Variants in THSD7B observed in about 807,000 individuals in gnomAD.
The protein encoded by THSD7B is thrombospondin type 1 domain containing 7B, also known as thrombospondin type-1 domain-containing protein 7B.
In THSD7B, 138 loss-of-function variants were observed where a neutral mutation model predicts 213.6. That is an observed-to-expected ratio of 0.65 (90% CI 0.56 to 0.74). THSD7B has a LOEUF of 0.74. Ranked by LOEUF, THSD7B falls within the 30% of genes least tolerant of loss-of-function variation. The pLI, the probability that THSD7B is intolerant of heterozygous loss-of-function variation, is 0.00. For missense variants in THSD7B, 1,931 were observed against 1,991.5 expected (o/e 0.97, Z 0.58); for synonymous variants, 742 against 687.0 (o/e 1.08, Z -1.25).
At chr2:137,102,118 G>A (rs1246448585) in intron 4 of THSD7B, among the ~76,000 whole-genome samples, 2 of 152,214 alleles carry the variant, frequency 1.3e-5, no homozygotes, top group African/African-American at 2.4e-5. Context: ...TGCAGGAGTT[G>A]ACAGACACTT....
intron 5 of THSD7B, among the ~76,000 whole-genome samples, chr2:137,127,199 T>A (rs971723304): frequency 7.9e-5 from 12 of 152,154 alleles, no homozygotes; most frequent in Non-Finnish European, 2.9e-5. Flanking sequence ...GACCTTCAAT[T>A]TGTAAAAAAT....
chr2:137,251,005 T>C (rs547561338), intron 10 of THSD7B, among the ~76,000 whole-genome samples: 2 of 152,348 alleles, frequency 1.3e-5, no homozygotes, highest in South Asian at 2.1e-4. Context: ...TGTGTTCCTC[T>C]GAAGGATTGT....
intron 7 of THSD7B, among the ~76,000 whole-genome samples, chr2:137,203,142 G>A (rs1680913254): frequency 6.6e-6 from 1 of 151,998 alleles, no homozygotes. Context: ...GAAATCTGAT[G>A]TAAAATTTTT....
At chr2:137,220,499 C>T (rs1681344719) in intron 7 of THSD7B, among the ~76,000 whole-genome samples, 1 of 152,082 alleles carries the variant, frequency 6.6e-6, no homozygotes, top group Non-Finnish European at 1.5e-5. Context: ...ATAAGAATGA[C>T]AACAATTCAA....
At chr2:137,069,908 T>C (rs539770175) in intron 3 of THSD7B, among the ~76,000 whole-genome samples, 2 of 151,010 alleles carry the variant, frequency 1.3e-5, no homozygotes, top group South Asian at 4.2e-4. Flanking sequence ...TATATAACTA[T>C]ATATCTGTGG....
rs1686175003 is a variant in THSD7B at position 137,009,069 on chromosome 2, T to C, written c.140-47351T>C. 3.9e-5 allele frequency among the ~76,000 whole-genome samples: 6 copies of C among 152,318 alleles called. No individual in the cohort carries two copies. The South Asian group carries it at 1.2e-3, about 32-fold the overall frequency. ...TAAATTCACTAACTCTTTGAGGCTA[T>C]GTGATCTCTGGCAGCAATGCTTAAA... On this transcript the variant is annotated intron_variant, in intron 2 of 27. Coordinates refer to ENST00000409968, the MANE Select transcript of THSD7B (RefSeq NM_001316349.2).
At chr2:137,183,037 A>C (rs748341679) in intron 7 of THSD7B, among the ~76,000 whole-genome samples, 2 of 152,164 alleles carry the variant, frequency 1.3e-5, no homozygotes, top group Non-Finnish European at 2.9e-5. Context: ...TTACTTAAAT[A>C]CTTTATAGAA....
chr2:137,006,427 CATACATACATACATACATAT>C (rs1686113670), intron 2 of THSD7B, among the ~76,000 whole-genome samples: 2 of 151,948 alleles, frequency 1.3e-5, no homozygotes, highest in African/African-American at 4.8e-5. Flanking sequence ...TACATACATA[CATACATACATACATACATAT>C]AGGTTGTATA....
At chr2:136,868,100 C>CCA (rs529874307) in intron 1 of THSD7B, among the ~76,000 whole-genome samples, 7 of 147,262 alleles carry the variant, frequency 4.8e-5, no homozygotes, top group African/African-American at 1.3e-4. Context: ...ACACACCACA[C>CCA]CACACACACA....
intron 12 of THSD7B, among the ~76,000 whole-genome samples, chr2:137,321,784 A>T (rs1448273475): frequency 6.6e-6 from 1 of 152,228 alleles, no homozygotes; most frequent in East Asian, 1.9e-4. Context: ...ATACAAATAT[A>T]CCAACCATAT....
At chr2:137,285,718 A>G (rs982763001) in intron 12 of THSD7B, among the ~76,000 whole-genome samples, 1 of 151,912 alleles carries the variant, frequency 6.6e-6, no homozygotes, top group Non-Finnish European at 1.5e-5. Flanking sequence ...ATTTGCATGT[A>G]TTTACCATTT....
At chr2:136,925,345 A>G (rs1223912915) in intron 2 of THSD7B, among the ~76,000 whole-genome samples, 1 of 152,168 alleles carries the variant, frequency 6.6e-6, no homozygotes, top group Non-Finnish European at 1.5e-5. Flanking sequence ...AGGCATTTAC[A>G]CTATATTCCT....
In THSD7B at chr2:137,534,469, G is replaced by A. The variant is rs75600292; in HGVS notation, c.3139-28752G>A. Reference sequence around the variant, plus strand: ...TCTCTGAGGAGACAGCAAAATACAGGTTCTCTGAGGAAAGAGAAAGTGCAC... The same window carrying A: ...TCTCTGAGGAGACAGCAAAATACAGATTCTCTGAGGAAAGAGAAAGTGCAC... On this transcript the variant is annotated intron_variant, in intron 15 of 27. Coordinates refer to ENST00000409968, the MANE Select transcript of THSD7B (RefSeq NM_001316349.2). 6.8e-3 allele frequency among the ~76,000 whole-genome samples: 1,024 copies of A among 151,652 alleles called. 14 individuals carry two copies. Among genetic ancestry groups the A allele is most frequent in the African/African-American group, 0.024 (983 of 41,446 alleles).
At chr2:137,202,552 G>A (rs190449190) in intron 7 of THSD7B, among the ~76,000 whole-genome samples, 3 of 152,252 alleles carry the variant, frequency 2.0e-5, no homozygotes, top group East Asian at 3.9e-4. Context: ...TAGAGAGCAC[G>A]GCCCTGCCAA....
At chr2:137,202,926 ATGGC>A (rs1680908722) in intron 7 of THSD7B, among the ~76,000 whole-genome samples, 1 of 152,162 alleles carries the variant, frequency 6.6e-6, no homozygotes, top group African/African-American at 2.4e-5. Context: ...TAGAGAGATG[ATGGC>A]TAGATAATGG....
chr2:137,347,960 C>A (rs1684914942), intron 12 of THSD7B, among the ~76,000 whole-genome samples: 1 of 150,060 alleles, frequency 6.7e-6, no homozygotes, highest in Admixed American at 6.6e-5. Context: ...TTAATTTGGG[C>A]CTCATTTTCA....
chr2:137,182,909 A>C (rs1230111745), intron 7 of THSD7B, among the ~76,000 whole-genome samples: 1 of 152,200 alleles, frequency 6.6e-6, no homozygotes, highest in Non-Finnish European at 1.5e-5. Flanking sequence ...TAAATTTGAT[A>C]TAGATGCTGA....
chr2:137,008,356 TAAG>T (rs1003988121), intron 2 of THSD7B, among the ~76,000 whole-genome samples: 1 of 151,996 alleles, frequency 6.6e-6, no homozygotes, highest in Non-Finnish European at 1.5e-5. Context: ...TAAATAAAAA[TAAG>T]AAGGAAATCA....
At chr2:137,319,680 G>T (rs1298124370) in intron 12 of THSD7B, among the ~76,000 whole-genome samples, 1 of 152,162 alleles carries the variant, frequency 6.6e-6, no homozygotes, top group Non-Finnish European at 1.5e-5. Context: ...TTTCATATCA[G>T]ACACTGTGGG....
Sources: gnomAD v4.1 joint callset for allele counts (sites outside exome capture counted in the v4.1 genomes callset) on GRCh38, gnomAD v4.1.1 for gene constraint, MANE v1.5 for transcripts, NCBI Gene and HGNC (gene_info 2026-07-23, HGNC 2026-07-21) for gene names.